The following TG variants were observed in gnomAD, a reference collection of about 807,000 sequenced individuals.
TG encodes the protein thyroglobulin, also known as thyroid hormones.
In TG, 270 loss-of-function variants were observed where a neutral mutation model predicts 324.7. The ratio of observed to expected loss-of-function variants is 0.83; its 90% confidence interval spans 0.75 to 0.92. The LOEUF (loss-of-function observed/expected upper bound fraction) is 0.92. TG is among the 40% of genes least tolerant of loss of function. The pLI is 0.00. For missense variants in TG, 3,591 were observed against 3,456.4 expected (o/e 1.04, Z -0.98); for synonymous variants, 1,401 against 1,327.0 (o/e 1.06, Z -1.21).
intron 29 of TG, 100 bp from the exon 30 acceptor site, chr8:132,966,459 TC>T: frequency 9.4e-7 from 1 of 1,069,336 alleles, no homozygotes. Context: ...TCTCTCTGTC[TC>T]TCTCTCTGTG....
chr8:132,924,119 G>T (rs1278314508), intron 22 of TG, among the ~76,000 whole-genome samples: 1 of 151,922 alleles, frequency 6.6e-6, no homozygotes, highest in East Asian at 1.9e-4. Context: ...CCTGCAACTA[G>T]ATGGTCCCAT....
chr8:133,109,450 A>G (rs1429236557), intron 43 of TG, among the ~76,000 whole-genome samples: 1 of 152,202 alleles, frequency 6.6e-6, no homozygotes, highest in African/African-American at 2.4e-5. Flanking sequence ...ACGAGAGAAC[A>G]TTTGGTGTTG....
rs1328658016 is a variant in TG, at chr8:132,873,094, C to T, written c.511C>T (p.Leu171Phe). The change falls in exon 5 of 48, where the codon CTT (leucine) becomes TTT (phenylalanine). Residue 171 changes from leucine (L) to phenylalanine (F), a missense_variant. Transcript: ENST00000220616. ...GAGCTGTGAAATAAGAAATCGTCGT[C>T]TTCTCCACGGGGTGGGAGATAAGTC... Reference protein sequence around the residue: ...PRSCEIRNRRLLHGVGDKSPP... With the variant: ...PRSCEIRNRRFLHGVGDKSPP... 6.2e-7 allele frequency: 1 copy of T among 1,614,192 alleles called. No homozygotes were observed. Among genetic ancestry groups the T allele is most frequent in the Non-Finnish European group, 8.5e-7 (1 of 1,180,030 alleles).
intron 39 of TG, among the ~76,000 whole-genome samples, chr8:133,020,693 C>T (rs1835481008): frequency 2.0e-5 from 3 of 152,202 alleles, no homozygotes; most frequent in Admixed American, 2.0e-4. Flanking sequence ...AGGTCAGCCC[C>T]TTCCTCTCTG....
chr8:132,911,291 A>T, intron 18 of TG, 86 bp from the exon 19 acceptor site: 1 of 1,612,544 alleles, frequency 6.2e-7, no homozygotes, highest in Non-Finnish European at 8.5e-7. Context: ...AAGTAACATA[A>T]GCCAAGTTCT....
Position 132,906,716 on chromosome 8 carries a change from G to T in TG, c.3663G>T (p.Ala1221=), listed in dbSNP as rs773898900. 1 of 1,614,222 alleles carries T rather than the reference G, an allele frequency of 6.2e-7. No individual in the cohort carries two copies. The highest frequency in any genetic ancestry group is 8.5e-7 in the Non-Finnish European group (1 of 1,180,042). ...ESPRCPLPFN[A]SEVVGGTILC... Reference sequence around the variant, plus strand: ...CGCGGTGTCCGCTGCCATTCAACGCGTCGGAGGTGGTTGGTGGAACAATCC... The same window carrying T: ...CGCGGTGTCCGCTGCCATTCAACGCTTCGGAGGTGGTTGGTGGAACAATCC... Residue 1221 remains alanine (A), a synonymous_variant, in exon 17 of 48, where the codon GCG becomes GCT. Transcript: ENST00000220616.
chr8:133,038,507 A>G (rs1358990028), intron 41 of TG: 4 of 1,575,032 alleles, frequency 2.5e-6, no homozygotes, highest in Non-Finnish European at 2.6e-6. Context: ...GGCATGAACC[A>G]TTGTGTCTGT....
At chr8:132,997,521 C>T (rs558058724) in intron 35 of TG, among the ~76,000 whole-genome samples, 1 of 152,126 alleles carries the variant, frequency 6.6e-6, no homozygotes, top group South Asian at 2.1e-4. Context: ...GGAGGAGACA[C>T]TAGGAAGAGC....
At chr8:133,096,596 C>T (rs1026921042) in intron 43 of TG, among the ~76,000 whole-genome samples, 5 of 152,156 alleles carry the variant, frequency 3.3e-5, no homozygotes, top group Admixed American at 2.6e-4. Flanking sequence ...GTGAATGAAT[C>T]GCTGTGGAAA....
At chr8:132,867,138 C>A in intron 1 of TG, 71 bp downstream of exon 1, 1 of 1,357,268 alleles carries the variant, frequency 7.4e-7, no homozygotes, top group Non-Finnish European at 1.0e-6. Flanking sequence ...TGCCCTGGGC[C>A]TTCGAACAGG....
At chr8:133,128,594 T>G (rs1851716942) in intron 45 of TG, among the ~76,000 whole-genome samples, 1 of 152,090 alleles carries the variant, frequency 6.6e-6, no homozygotes, top group South Asian at 2.1e-4. Flanking sequence ...AAACCAAGGC[T>G]TAGAGATTCA....
intron 43 of TG, among the ~76,000 whole-genome samples, chr8:133,103,645 TG>T (rs1268560568): frequency 6.6e-6 from 1 of 152,258 alleles, no homozygotes; most frequent in Non-Finnish European, 1.5e-5. Context: ...AAAAGACTTT[TG>T]TGAGTTCCTA....
At chr8:132,912,471 T>C (rs1407627404) in intron 19 of TG, among the ~76,000 whole-genome samples, 1 of 152,052 alleles carries the variant, frequency 6.6e-6, no homozygotes, top group Non-Finnish European at 1.5e-5. Flanking sequence ...GCTCCTGGCA[T>C]GGTGCTCGCC....
intron 18 of TG, among the ~76,000 whole-genome samples, chr8:132,908,755 G>T (rs1260034844): frequency 6.6e-6 from 1 of 152,178 alleles, no homozygotes; most frequent in Non-Finnish European, 1.5e-5. Flanking sequence ...GCTAAGAGGG[G>T]AAATAAAGCA....
At chr8:132,900,611 G>A (rs571172161) in intron 15 of TG, among the ~76,000 whole-genome samples, 16 of 152,352 alleles carry the variant, frequency 1.1e-4, no homozygotes, top group African/African-American at 3.6e-4. Flanking sequence ...CATCAAAGGG[G>A]GCCCTAGGGC....
Position 133,133,527 on chromosome 8 carries a change from GC to G in TG, c.8057del (p.Pro2686LeufsTer25), listed in dbSNP as rs1448908452. 6.2e-7 allele frequency: 1 copy of G among 1,614,150 alleles called. No individual in the cohort carries two copies. Among genetic ancestry groups the G allele is most frequent in the Admixed American group, 1.7e-5 (1 of 60,026 alleles). ...RKVPTFATPW[P>X]DFVPRAGGEN... ...AAGTACCCACATTTGCAACCCCCTG[GC>G]CTGACTTTGTACCCCGTGCTGGTGG... On this transcript the variant is annotated frameshift_variant, in exon 47 of 48. Transcript: ENST00000220616. LOFTEE classifies it high-confidence loss of function.
At chr8:133,112,744 G>A (rs1850364045) in intron 43 of TG, among the ~76,000 whole-genome samples, 1 of 152,118 alleles carries the variant, frequency 6.6e-6, no homozygotes, top group African/African-American at 2.4e-5. Context: ...CCCAGCCCCA[G>A]CATTCCATAT....
At chr8:133,057,445 T>G (rs1305345456) in intron 41 of TG, among the ~76,000 whole-genome samples, 1 of 152,228 alleles carries the variant, frequency 6.6e-6, no homozygotes, top group Non-Finnish European at 1.5e-5. Context: ...TTTTGGGGAA[T>G]GGCCATTTAG....
intron 5 of TG, among the ~76,000 whole-genome samples, chr8:132,879,936 C>T (rs772729612): frequency 1.3e-5 from 2 of 152,170 alleles, no homozygotes; most frequent in Non-Finnish European, 2.9e-5. Flanking sequence ...GTTGAATTAG[C>T]GAAGCATGGA....
Sources: gnomAD v4.1 joint callset for allele counts (sites outside exome capture counted in the v4.1 genomes callset) on GRCh38, gnomAD v4.1.1 for gene constraint, MANE v1.5 for transcripts, NCBI Gene and HGNC (gene_info 2026-07-23, HGNC 2026-07-21) for gene names.